DAB1: variants seen among roughly 807,000 people sequenced by gnomAD.
DAB1 encodes disabled homolog 1.
In DAB1, 15 loss-of-function variants were observed where a neutral mutation model predicts 64.6. The ratio of observed to expected loss-of-function variants is 0.23; its 90% CI spans 0.16 to 0.36. The LOEUF is 0.36. Ranked by LOEUF, DAB1 falls within the 10% of genes least tolerant of loss-of-function variation. DAB1 has a pLI of 1.00. For synonymous variants in DAB1, 235 were observed against 251.9 expected (o/e 0.93, Z 0.64); for missense variants, 596 against 706.7 (o/e 0.84, Z 1.78).
At chr1:57,426,167 GCCTTCACCCA>G (rs1465407632), upstream of DAB1, among the ~76,000 whole-genome samples, 1 of 152,096 alleles carries the variant, frequency 6.6e-6, no homozygotes, top group East Asian at 1.9e-4. Context: ...AAAACCTGCC[GCCTTCACCCA>G]CCTTTCACTT....
At chr1:58,179,922 G>A (rs1656683019) in intron 4 of DAB1, among the ~76,000 whole-genome samples, 1 of 150,550 alleles carries the variant, frequency 6.6e-6, no homozygotes. Flanking sequence ...AAAATATTTG[G>A]AAAAAAACAA....
intron 4 of DAB1, among the ~76,000 whole-genome samples, chr1:58,248,444 C>G (rs1055391967): frequency 9.9e-5 from 15 of 152,142 alleles, no homozygotes; most frequent in Non-Finnish European, 2.1e-4. Context: ...TGGGGCCCCA[C>G]GTCGCTAAAT....
At chr1:58,535,960 T>A (rs1646509820) in intron 1 of DAB1, among the ~76,000 whole-genome samples, 1 of 151,600 alleles carries the variant, frequency 6.6e-6, no homozygotes, top group South Asian at 2.1e-4. Flanking sequence ...GCTCTACTCT[T>A]ACATACTGTG....
At chr1:57,636,660 C>T (rs1355009415) in intron 7 of DAB1, among the ~76,000 whole-genome samples, 2 of 152,086 alleles carry the variant, frequency 1.3e-5, no homozygotes, top group South Asian at 4.1e-4. Flanking sequence ...ATGGGGTGTA[C>T]AAAAGAGCAG....
intron 7 of DAB1, among the ~76,000 whole-genome samples, chr1:57,604,499 T>A (rs972330223): frequency 6.6e-6 from 1 of 152,184 alleles, no homozygotes. Flanking sequence ...TCCCAGCTGT[T>A]TAAGTTATTC....
At chr1:58,194,849 A>G (rs2100242297) in intron 4 of DAB1, among the ~76,000 whole-genome samples, 1 of 152,374 alleles carries the variant, frequency 6.6e-6, no homozygotes, top group South Asian at 2.1e-4. Context: ...AGATAATATT[A>G]AATTGGAATA....
At chr1:57,277,266 G>T (rs1447156342) in intron 2 of DAB1, among the ~76,000 whole-genome samples, 1 of 152,154 alleles carries the variant, frequency 6.6e-6, no homozygotes, top group Non-Finnish European at 1.5e-5. Context: ...CTAGTTTCTA[G>T]CTGTGGGCAG....
At chr1:57,892,523 G>C (rs1371061197) in intron 5 of DAB1, among the ~76,000 whole-genome samples, 3 of 152,194 alleles carry the variant, frequency 2.0e-5, no homozygotes, top group African/African-American at 4.8e-5. Context: ...GCACAGAGAA[G>C]TTAATAACTT....
intron 6 of DAB1, among the ~76,000 whole-genome samples, chr1:57,806,021 G>C (rs1489935747): frequency 6.6e-6 from 1 of 152,164 alleles, no homozygotes; most frequent in African/African-American, 2.4e-5. Context: ...GAAGACAAGT[G>C]ATGTCATTCC....
At chr1:58,408,856 T>C (rs77146073) in intron 3 of DAB1, among the ~76,000 whole-genome samples, 1,607 of 152,272 alleles carry the variant, frequency 0.011, 35 homozygotes, top group African/African-American at 0.036. Context: ...TGTGGGTCCC[T>C]GGGACTGAAG....
chr1:57,436,932 G>T (rs903703863), intron 7 of DAB1, among the ~76,000 whole-genome samples: 1 of 151,080 alleles, frequency 6.6e-6, no homozygotes, highest in Non-Finnish European at 1.5e-5. Context: ...GGAGGCTGAG[G>T]CAGGAGAATG....
chr1:57,614,368 G>A (rs1050151897), intron 7 of DAB1, among the ~76,000 whole-genome samples: 1 of 152,118 alleles, frequency 6.6e-6, no homozygotes, highest in African/African-American at 2.4e-5. Flanking sequence ...TAGATAAATG[G>A]TCATTATTAT....
At chr1:57,098,603 A>G (rs1262944743) in intron 4 of DAB1, among the ~76,000 whole-genome samples, 2 of 152,212 alleles carry the variant, frequency 1.3e-5, no homozygotes, top group African/African-American at 4.8e-5. Context: ...TGCATCATAT[A>G]AAAGTCTCTG....
rs115527922 is a variant in DAB1, at chr1:57,850,150, G to C, written n.88-23695C>G. ...AAGAGAAGGAGAGAACCAGGACAGAGGGGCTGAGGGTCTTACAGCAGAAAC... is the reference window on the plus strand; with the variant it reads ...AAGAGAAGGAGAGAACCAGGACAGACGGGCTGAGGGTCTTACAGCAGAAAC... On this transcript the variant is annotated intron_variant and non_coding_transcript_variant, in intron 1 of 1. Transcript: ENST00000477280. Among the ~76,000 whole-genome samples, 1,114 of 152,304 alleles carry C rather than the reference G, an allele frequency of 7.3e-3. 5 individuals carry two copies. The highest frequency in any genetic ancestry group is 0.011 in the Admixed American group (166 of 15,302).
At chr1:57,009,319 C>A (rs143666519) in intron 14 of DAB1, among the ~76,000 whole-genome samples, 61 of 152,328 alleles carry the variant, frequency 4.0e-4, no homozygotes, top group Non-Finnish European at 6.3e-4. Context: ...TATATCAACT[C>A]CCGAAGTAGC....
chr1:58,226,733 T>C lies in DAB1; in HGVS notation n.310-76145A>G, dbSNP rs1459160681. Among the ~76,000 whole-genome samples the C allele has an allele frequency of 3.3e-5, 5 of 152,332 alleles. No homozygotes were observed. The East Asian group carries it at 9.6e-4, about 29-fold the overall frequency. ...TATAATCCTTAGGAGGTAGGTTCTA[T>C]AATAATTCTTATTTTACAGATGAGG... On this transcript the variant is annotated intron_variant and non_coding_transcript_variant, in intron 4 of 20. Transcript: ENST00000485760.
chr1:57,837,373 A>T (rs949879050), intron 1 of DAB1, among the ~76,000 whole-genome samples: 1 of 152,012 alleles, frequency 6.6e-6, no homozygotes, highest in African/African-American at 2.4e-5. Flanking sequence ...TCCTCTCACC[A>T]TTCTACTTGA....
chr1:58,372,447 A>G (rs1427970353), intron 3 of DAB1, among the ~76,000 whole-genome samples: 2 of 152,114 alleles, frequency 1.3e-5, no homozygotes, highest in Non-Finnish European at 2.9e-5. Flanking sequence ...ACAGGCTCAG[A>G]GGTGGAAGGG....
At chr1:57,487,523 A>G (rs570476252) in intron 7 of DAB1, among the ~76,000 whole-genome samples, 24 of 152,090 alleles carry the variant, frequency 1.6e-4, no homozygotes, top group Non-Finnish European at 2.9e-4. Context: ...TGGCTTTCAT[A>G]TTTCATTTCT....
Sources: gnomAD v4.1 joint callset for allele counts (sites outside exome capture counted in the v4.1 genomes callset) on GRCh38, gnomAD v4.1.1 for gene constraint, MANE v1.5 for transcripts, NCBI Gene and HGNC (gene_info 2026-07-23, HGNC 2026-07-21) for gene names.